Variants in CCDC39 observed in about 807,000 individuals in gnomAD.
CCDC39 encodes coiled-coil domain 39 molecular ruler complex subunit.
A neutral mutation model predicts 121.0 loss-of-function variants in CCDC39; 113 were observed. That is an observed-to-expected ratio of 0.93 (90% CI 0.80 to 1.09). CCDC39 has a LOEUF of 1.09. Ranked by LOEUF, CCDC39 falls within the 50% of genes least tolerant of loss-of-function variation. The pLI is 0.00. For synonymous variants in CCDC39, 349 were observed against 352.2 expected (o/e 0.99, Z 0.10); for missense variants, 1,063 against 1,074.7 (o/e 0.99, Z 0.15).
intron 14 of CCDC39, among the ~76,000 whole-genome samples, chr3:180,624,897 T>A (rs1159866959): frequency 6.6e-6 from 1 of 152,206 alleles, no homozygotes; most frequent in Admixed American, 6.5e-5. Context: ...GTTATTCTGA[T>A]GGGGTTTCCT....
chr3:180,637,898 G>A (rs1274782885), intron 13 of CCDC39, among the ~76,000 whole-genome samples: 1 of 152,044 alleles, frequency 6.6e-6, no homozygotes, highest in Non-Finnish European at 1.5e-5. Flanking sequence ...ACACAAAGAG[G>A]AAAACAATGG....
At position 180,660,442 on chromosome 3, in the gene CCDC39, C is replaced by T. The variant is rs116078843; in HGVS notation, c.516+128G>A. On this transcript the variant is annotated intron_variant, in intron 4 of 19. Coordinates refer to ENST00000476379, the MANE Select transcript of CCDC39 (RefSeq NM_181426.2). ...AAGACATTTGGCTTTATTAGCTTCT[C>T]CAAGAAGCCTCTGACTCAGAAGTTT... is the stretch of plus-strand genomic sequence containing the variant. 2.7e-4 allele frequency: 202 copies of T among 757,412 alleles called. No homozygotes were observed. In the African/African-American group the frequency reaches 3.3e-3, roughly 12 times the overall value. The allele number at this position is 757,412 out of a possible 1,614,324, so 46.9% of individuals were successfully genotyped here.
chr3:180,670,639 C>CTTTTTTTTTTTTTTTTTTTT (rs573623299), intron 1 of CCDC39, among the ~76,000 whole-genome samples: 1 of 120,422 alleles, frequency 8.3e-6, no homozygotes, highest in Non-Finnish European at 1.8e-5. Context: ...TTTTTTTTCT[C>CTTTTTTTTTTTTTTTTTTTT]TTTTTTTTTT....
chr3:180,621,641 G>A (rs1386079850), intron 14 of CCDC39, among the ~76,000 whole-genome samples: 2 of 151,972 alleles, frequency 1.3e-5, no homozygotes, highest in Non-Finnish European at 2.9e-5. Flanking sequence ...TAAATTGTGT[G>A]TCATGGAGGT....
At chr3:180,626,086 C>T (rs1717552385) in intron 14 of CCDC39, among the ~76,000 whole-genome samples, 3 of 151,938 alleles carry the variant, frequency 2.0e-5, no homozygotes, top group African/African-American at 2.4e-5. Context: ...CTCACTGGAA[C>T]CCAGAAGGTC....
chr3:180,655,602 T>C, intron 6 of CCDC39, among the ~76,000 whole-genome samples: 1 of 151,762 alleles, frequency 6.6e-6, no homozygotes, highest in Non-Finnish European at 1.5e-5. Flanking sequence ...GAGGCAACAT[T>C]TGAGTCAGGC....
chr3:180,617,718 A>G (rs1241121450), intron 16 of CCDC39: 1 of 384,170 alleles, frequency 2.6e-6, no homozygotes, highest in African/African-American at 2.1e-5. Flanking sequence ...ATGTCATCAC[A>G]AAAGAGTAAA....
intron 14 of CCDC39, among the ~76,000 whole-genome samples, chr3:180,623,755 G>GTT (rs1717488958): frequency 6.6e-6 from 1 of 151,782 alleles, no homozygotes; most frequent in Non-Finnish European, 1.5e-5. Flanking sequence ...CCATATATCT[G>GTT]TAAAGTGCCC....
chr3:180,648,236 T>A lies in CCDC39; in HGVS notation c.1291A>T (p.Lys431Ter). ...TTTTGTAACTGATGGTTGAGATGTT[T>A]CAGAGAGGAACGAGTTCCTTCAATT... ...SEIEGTRSSL[K>*]HLNHQLQKLD... Residue 431 changes from lysine (K) to a stop codon, truncating the protein, a stop_gained, in exon 10 of 20, where the codon AAA (lysine) becomes TAA (stop). Coordinates refer to ENST00000476379, the MANE Select transcript of CCDC39 (RefSeq NM_181426.2). LOFTEE classifies it high-confidence loss of function. 6.2e-7 allele frequency: 1 copy of A among 1,613,664 alleles called. No homozygotes were observed. The highest frequency in any genetic ancestry group is 8.5e-7 in the Non-Finnish European group (1 of 1,179,682).
chr3:180,664,518 A>T (rs1192505586), intron 1 of CCDC39, among the ~76,000 whole-genome samples: 1 of 152,178 alleles, frequency 6.6e-6, no homozygotes, highest in African/African-American at 2.4e-5. Flanking sequence ...AAATGTTATA[A>T]AATAGTGTTG....
At position 180,619,827 on chromosome 3, in the gene CCDC39, T is replaced by C. The variant is rs1198511057; in HGVS notation, c.2142A>G (p.Lys714=). Residue 714 remains lysine, a synonymous_variant, in exon 15 of 20, where the codon AAA becomes AAG. Coordinates refer to ENST00000476379, the MANE Select transcript of CCDC39 (RefSeq NM_181426.2). Reference sequence around the variant, plus strand: ...CCTACATACTAGATGGAGTCACTTTTTTAAAAGATTGCTTATAATTGTTGT... The same window carrying C: ...CCTACATACTAGATGGAGTCACTTTCTTAAAAGATTGCTTATAATTGTTGT... ...SCNNNYKQSF[K]KVTPSSDEYE... The C allele has an allele frequency of 1.0e-5, 16 of 1,592,984 alleles. No homozygotes were observed. The highest frequency in any genetic ancestry group is 1.4e-5 in the Non-Finnish European group (16 of 1,169,388).
intron 9 of CCDC39, among the ~76,000 whole-genome samples, chr3:180,649,332 G>T (rs1718145143): frequency 6.6e-6 from 1 of 152,084 alleles, no homozygotes; most frequent in African/African-American, 2.4e-5. Context: ...GCTTTAAATT[G>T]ATCTACCATG....
chr3:180,615,671 ATAAGT>A (rs1717204094), intron 19 of CCDC39, among the ~76,000 whole-genome samples: 1 of 152,168 alleles, frequency 6.6e-6, no homozygotes, highest in Non-Finnish European at 1.5e-5. Context: ...TAGTAATTTA[ATAAGT>A]AGCTGCTGAA....
intron 14 of CCDC39, among the ~76,000 whole-genome samples, chr3:180,624,778 GT>G (rs1441425211): frequency 6.6e-6 from 1 of 151,946 alleles, no homozygotes; most frequent in African/African-American, 2.4e-5. Context: ...GCTGACAGGT[GT>G]TTTTTGGTTT....
At chr3:180,654,129 C>T (rs1327060522) in intron 7 of CCDC39, among the ~76,000 whole-genome samples, 1 of 133,424 alleles carries the variant, frequency 7.5e-6, no homozygotes, top group South Asian at 2.4e-4. Flanking sequence ...CATATATGAT[C>T]AACTAATTTT....
intron 9 of CCDC39, among the ~76,000 whole-genome samples, chr3:180,650,621 C>T (rs1036915796): frequency 3.6e-4 from 55 of 152,090 alleles, no homozygotes; most frequent in Admixed American, 2.5e-3. Context: ...CTTTGGGAAG[C>T]GGAGGAGGGT....
chr3:180,672,051 T>G (rs73051794), intron 1 of CCDC39, among the ~76,000 whole-genome samples: 2,197 of 152,302 alleles, frequency 0.014, 51 homozygotes, highest in African/African-American at 0.051. Context: ...GAGAAGTCAA[T>G]GCCTGGGTTC....
In CCDC39 at chr3:180,652,325, C is replaced by A. The variant is rs116704905; in HGVS notation, c.931-59G>T. ...TTACTCTGTATCTTATAACTTATTTCATTTCTGAGTTTTATTCTGCCCACT... is the reference window on the plus strand; with the variant it reads ...TTACTCTGTATCTTATAACTTATTTAATTTCTGAGTTTTATTCTGCCCACT... On this transcript the variant is annotated intron_variant, in intron 7 of 19. Transcript: ENST00000476379. 3.8e-3 allele frequency: 3,991 copies of A among 1,062,666 alleles called. 112 individuals carry two copies. In the African/African-American group the frequency reaches 0.061, roughly 16 times the overall value. 65.8% of individuals were successfully genotyped at this position (1,062,666 alleles called of 1,614,324 possible).
intron 13 of CCDC39, among the ~76,000 whole-genome samples, chr3:180,636,678 G>A (rs1277026235): frequency 3.3e-5 from 5 of 152,030 alleles, no homozygotes; most frequent in South Asian, 4.1e-4. Flanking sequence ...ACCCAACTTC[G>A]AAGTACACTA....
Sources: gnomAD v4.1 joint callset for allele counts (sites outside exome capture counted in the v4.1 genomes callset) on GRCh38, gnomAD v4.1.1 for gene constraint, MANE v1.5 for transcripts, NCBI Gene and HGNC (gene_info 2026-07-23, HGNC 2026-07-21) for gene names.